The following TMEM181 variants were observed in gnomAD, a reference collection of about 807,000 sequenced individuals.
The protein encoded by TMEM181 is G protein-coupled receptor 178.
Under a neutral mutation model 71.9 loss-of-function variants are expected in TMEM181, and 39 were observed. The ratio of observed to expected loss-of-function variants is 0.54; its 90% confidence interval spans 0.42 to 0.71. The LOEUF is 0.71. Ranked by LOEUF, TMEM181 falls within the 30% of genes least tolerant of loss-of-function variation. TMEM181 has a pLI of 0.00. For synonymous variants in TMEM181, 245 were observed against 228.8 expected, an observed-to-expected ratio of 1.07 and a Z score of -0.64; for missense variants, 595 against 583.0, an observed-to-expected ratio of 1.02 and a Z score of -0.21.
intron 6 of TMEM181, among the ~76,000 whole-genome samples, chr6:158,603,042 T>C (rs1408999745): frequency 6.6e-6 from 1 of 152,226 alleles, no homozygotes; most frequent in Non-Finnish European, 1.5e-5. Flanking sequence ...ACGGTGCTTC[T>C]TGTACTTTTC....
chr6:158,605,129 AAAGTGTGTGTGTGT>A, intron 6 of TMEM181, 124 bp from the exon 7 acceptor site: 5 of 394,014 alleles, frequency 1.3e-5, no homozygotes, highest in Admixed American at 4.2e-5. Context: ...AAAAAAAAAA[AAAGTGTGTGTGTGT>A]GTGTGTGTGT....
chr6:158,536,930 C>T (rs1781132726), intron 1 of TMEM181: 1 of 1,176,478 alleles, frequency 8.5e-7, no homozygotes, highest in African/African-American at 1.6e-5. Context: ...CCTCCGGGAC[C>T]CCGGCGCGCC....
intron 2 of TMEM181, among the ~76,000 whole-genome samples, chr6:158,576,188 A>T (rs1783143610): frequency 6.6e-6 from 1 of 152,186 alleles, no homozygotes; most frequent in Non-Finnish European, 1.5e-5. Context: ...GATGGTGGCT[A>T]ATTTTGGTCA....
At chr6:158,612,110 T>G (rs1336956727) in intron 10 of TMEM181, among the ~76,000 whole-genome samples, 1 of 152,032 alleles carries the variant, frequency 6.6e-6, no homozygotes, top group African/African-American at 2.4e-5. Flanking sequence ...AAAACATGAG[T>G]GTGAAGTTCG....
At chr6:158,577,384 A>G (rs760143834) in intron 2 of TMEM181, among the ~76,000 whole-genome samples, 5 of 152,254 alleles carry the variant, frequency 3.3e-5, no homozygotes, top group Non-Finnish European at 7.3e-5. Flanking sequence ...TGAAGATAGG[A>G]CAGTGGAAAT....
At chr6:158,622,580 TTA>T (rs1331413041) in intron 10 of TMEM181, among the ~76,000 whole-genome samples, 8 of 152,364 alleles carry the variant, frequency 5.3e-5, no homozygotes, top group African/African-American at 1.9e-4. Flanking sequence ...GGCATGCAAT[TTA>T]AAACTTAGGG....
upstream of TMEM181, among the ~76,000 whole-genome samples, chr6:158,556,078 C>T (rs779582486): frequency 6.6e-6 from 1 of 152,172 alleles, no homozygotes; most frequent in Non-Finnish European, 1.5e-5. Context: ...AACCAGAGTA[C>T]TCAAACCAGC....
chr6:158,607,156 A>T (rs551520445), intron 7 of TMEM181, 88 bp from the exon 8 acceptor site: 1 of 1,065,616 alleles, frequency 9.4e-7, no homozygotes, highest in East Asian at 2.4e-5. Flanking sequence ...ATTAGAGAAG[A>T]CAACCTGGTA....
chr6:158,558,123 G>C (rs191013069), upstream of TMEM181, among the ~76,000 whole-genome samples: 1 of 152,202 alleles, frequency 6.6e-6, no homozygotes, highest in Admixed American at 6.5e-5. Context: ...GTAGTTTGGA[G>C]TCAAATGCAC....
At chr6:158,537,184 G>A (rs1224481827) in intron 1 of TMEM181, among the ~76,000 whole-genome samples, 1 of 152,036 alleles carries the variant, frequency 6.6e-6, no homozygotes, top group Non-Finnish European at 1.5e-5. Flanking sequence ...GCTGCGGGTT[G>A]TGGCTCCTCC....
Position 158,608,701 on chromosome 6 carries a change from A to G in TMEM181, c.847A>G (p.Ile283Val). 10 of 1,612,998 alleles carry G rather than the reference A, an allele frequency of 6.2e-6. No homozygotes were observed. The highest frequency in any genetic ancestry group is 8.5e-6 in the Non-Finnish European group (10 of 1,179,790). ...AACTTTCTATTTGCCTAAATTCTTC[A>G]TTGTTGGACTATTGTGGTTGGCTTC... ...CLTFYLPKFF[I>V]VGLLWLASVT... Residue 283 changes from isoleucine to valine, a missense_variant, in exon 10 of 17, where the codon ATT becomes GTT. Ile to Val is a conservative substitution (Grantham distance 29). Transcript: ENST00000684151.
At chr6:158,609,396 G>A (rs1451373213) in intron 10 of TMEM181, among the ~76,000 whole-genome samples, 1 of 152,012 alleles carries the variant, frequency 6.6e-6, no homozygotes, top group Admixed American at 6.5e-5. Flanking sequence ...AACAGGATTT[G>A]GATTGGCAAA....
chr6:158,611,750 G>T (rs1209490107), intron 10 of TMEM181: 3 of 233,364 alleles, frequency 1.3e-5, no homozygotes, highest in African/African-American at 2.3e-5. Flanking sequence ...AACAGGAAAA[G>T]CGGCTCAACA....
chr6:158,622,705 A>AACTGACACATTCGTTT (rs1786034745), intron 10 of TMEM181, among the ~76,000 whole-genome samples: 1 of 152,202 alleles, frequency 6.6e-6, no homozygotes, highest in Non-Finnish European at 1.5e-5. Context: ...GTATGACTTG[A>AACTGACACATTCGTTT]ACTGACACAT....
At chr6:158,552,526 A>G (rs548443715) in intron 1 of TMEM181, among the ~76,000 whole-genome samples, 23 of 152,368 alleles carry the variant, frequency 1.5e-4, no homozygotes, top group African/African-American at 5.3e-4. Context: ...AAGAAAAGCC[A>G]AGAGTACAGA....
intron 10 of TMEM181, among the ~76,000 whole-genome samples, chr6:158,615,884 G>A (rs1256542835): frequency 1.3e-5 from 2 of 152,192 alleles, no homozygotes; most frequent in East Asian, 3.8e-4. Flanking sequence ...TTTGGTTACT[G>A]TAGCCTTGTA....
intron 14 of TMEM181, 109 bp downstream of exon 14, chr6:158,628,599 CCT>C: frequency 1.1e-6 from 1 of 940,180 alleles, no homozygotes; most frequent in Non-Finnish European, 1.6e-6. Flanking sequence ...CTCCTCGCGC[CCT>C]GTTCTCCGGA....
At chr6:158,605,114 CAA>C (rs71812545) in intron 6 of TMEM181, among the ~76,000 whole-genome samples, 151 bp from the exon 7 acceptor site, 540 of 41,838 alleles carry the variant, frequency 0.013, no homozygotes, top group East Asian at 0.025. Flanking sequence ...ACTCCATATC[CAA>C]AAAAAAAAAA....
At chr6:158,566,668 G>GTGATGGGGTGAAGGAGA (rs1782520058) in intron 1 of TMEM181, among the ~76,000 whole-genome samples, 1 of 150,428 alleles carries the variant, frequency 6.6e-6, no homozygotes, top group African/African-American at 2.4e-5. Context: ...GGTGAGGGAG[G>GTGATGGGGTGAAGGAGA]TGATGGGGTG....
Sources: allele counts gnomAD v4.1 joint callset (sites outside exome capture counted in the v4.1 genomes callset), GRCh38; gene constraint gnomAD v4.1.1; transcripts MANE v1.5; gene names NCBI Gene and HGNC (gene_info 2026-07-23, HGNC 2026-07-21).